The following TDRD10 variants were observed in gnomAD, a reference collection of about 807,000 sequenced individuals.
TDRD10 encodes tudor domain containing 10, also known as tudor domain-containing protein 10.
In TDRD10, 40 loss-of-function variants were observed where a neutral mutation model predicts 48.0. That is an observed-to-expected ratio of 0.83 (90% CI 0.65 to 1.09). The LOEUF is 1.09. TDRD10 is among the 50% of genes least tolerant of loss of function. The pLI is 0.00. For missense variants in TDRD10, 378 were observed against 434.7 expected (o/e 0.87, Z 1.16); for synonymous variants, 162 against 170.4 (o/e 0.95, Z 0.38).
chr1:154,523,627 C>T (rs1467266619), intron 6 of TDRD10, among the ~76,000 whole-genome samples: 1 of 152,206 alleles, frequency 6.6e-6, no homozygotes, highest in Non-Finnish European at 1.5e-5. Flanking sequence ...TCAATATTCT[C>T]TTTGTTCTCT....
chr1:154,533,347 T>G (rs901974931), intron 6 of TDRD10, among the ~76,000 whole-genome samples: 3 of 143,366 alleles, frequency 2.1e-5, no homozygotes, highest in Non-Finnish European at 3.1e-5. Flanking sequence ...AGCAGGCTTT[T>G]GTTGGGTTTT....
intron 6 of TDRD10, among the ~76,000 whole-genome samples, chr1:154,532,373 C>T (rs60760897): frequency 0.19 from 29,588 of 152,096 alleles, 3,107 homozygotes; most frequent in South Asian, 0.23. Context: ...GCTCTGAGTG[C>T]GGCCCGCAAA....
At chr1:154,532,883 T>C (rs536544103) in intron 6 of TDRD10, among the ~76,000 whole-genome samples, 1 of 152,210 alleles carries the variant, frequency 6.6e-6, no homozygotes, top group African/African-American at 2.4e-5. Context: ...TTACTGCCAG[T>C]TCTAGTTTGT....
chr1:154,527,171 A>C (rs983565193), intron 6 of TDRD10, among the ~76,000 whole-genome samples: 3 of 152,246 alleles, frequency 2.0e-5, no homozygotes. Context: ...TCTGCCTCCC[A>C]AAGTGCTGGG....
At chr1:154,527,568 G>A (rs1327139392) in intron 6 of TDRD10, among the ~76,000 whole-genome samples, 1 of 152,188 alleles carries the variant, frequency 6.6e-6, no homozygotes, top group Non-Finnish European at 1.5e-5. Flanking sequence ...CGATCTCAGT[G>A]AGGATGATCT....
intron 4 of TDRD10, 60 bp downstream of exon 4, chr1:154,508,541 C>T (rs373939619): frequency 4.2e-5 from 46 of 1,106,034 alleles, no homozygotes; most frequent in Middle Eastern, 2.0e-4. Context: ...GACTTAGTAA[C>T]CTGCTAGTAA....
At chr1:154,507,214 T>C (rs1281039912) in intron 2 of TDRD10, 27 bp from the exon 3 acceptor site, 2 of 1,613,534 alleles carry the variant, frequency 1.2e-6, no homozygotes, top group East Asian at 2.2e-5. Context: ...GCTTGGGAGG[T>C]TCGATGCTGA....
At chr1:154,518,651 T>G (rs1693895462) in intron 4 of TDRD10, among the ~76,000 whole-genome samples, 1 of 152,088 alleles carries the variant, frequency 6.6e-6, no homozygotes. Context: ...GGATGGTCTC[T>G]ATCTCCTGAC....
intron 6 of TDRD10, among the ~76,000 whole-genome samples, chr1:154,534,190 T>G (rs1319666561): frequency 6.6e-6 from 1 of 152,202 alleles, no homozygotes; most frequent in Non-Finnish European, 1.5e-5. Context: ...AGTGGACTCA[T>G]GACAGACAGT....
chr1:154,528,820 A>G (rs1461107403), intron 6 of TDRD10, among the ~76,000 whole-genome samples: 1 of 152,252 alleles, frequency 6.6e-6, no homozygotes, highest in Non-Finnish European at 1.5e-5. Flanking sequence ...TGTCTCAAAA[A>G]AAAAGTAATA....
intron 1 of TDRD10, among the ~76,000 whole-genome samples, chr1:154,505,958 T>G (rs1693127043): frequency 6.6e-6 from 1 of 152,174 alleles, no homozygotes; most frequent in Non-Finnish European, 1.5e-5. Context: ...TTTCCCAGGG[T>G]CTCTGGGCTG....
At position 154,531,005 on chromosome 1, in the gene TDRD10, A is replaced by AT. The variant is rs1352919938; in HGVS notation, c.369+9533dup. 4.0e-5 allele frequency among the ~76,000 whole-genome samples: 6 copies of AT among 150,954 alleles called. No individual in the cohort carries two copies. The East Asian group carries it at 7.8e-4, about 20-fold the overall frequency. On this transcript the variant is annotated intron_variant, in intron 6 of 12. Coordinates refer to ENST00000368482, the MANE Select transcript of TDRD10 (RefSeq NM_182499.4). ...AGGGACCTGCCACCACGCCCAACTA[A>AT]TTTTTTTGTATTTTTAGTAGAGATG...
chr1:154,532,556 G>A (rs142551576), intron 6 of TDRD10, among the ~76,000 whole-genome samples: 3,227 of 152,316 alleles, frequency 0.021, 124 homozygotes, highest in African/African-American at 0.075. Flanking sequence ...CTCCTCAAGC[G>A]CGGCCAGAAT....
intron 11 of TDRD10, among the ~76,000 whole-genome samples, chr1:154,546,475 TA>T (rs1016866501): frequency 6.8e-6 from 1 of 147,142 alleles, no homozygotes; most frequent in African/African-American, 2.5e-5. Flanking sequence ...ACATATATAA[TA>T]TATAATACGT....
intron 11 of TDRD10, among the ~76,000 whole-genome samples, 198 bp from the exon 12 acceptor site, chr1:154,547,210 CT>C (rs890610392): frequency 9.8e-5 from 15 of 152,286 alleles, no homozygotes; most frequent in African/African-American, 3.4e-4. Flanking sequence ...TGCCCTCCCC[CT>C]ATGCTACCTT....
chr1:154,512,618 A>AC (rs1693545472), intron 4 of TDRD10, among the ~76,000 whole-genome samples: 1 of 152,198 alleles, frequency 6.6e-6, no homozygotes, highest in African/African-American at 2.4e-5. Context: ...TGCGGGGATT[A>AC]CAGGCGAGAG....
chr1:154,527,167 T>C (rs1296469544), intron 6 of TDRD10, among the ~76,000 whole-genome samples: 1 of 152,132 alleles, frequency 6.6e-6, no homozygotes, highest in Non-Finnish European at 1.5e-5. Flanking sequence ...TGCCTCTGCC[T>C]CCCAAAGTGC....
intron 10 of TDRD10, 86 bp downstream of exon 10, chr1:154,544,603 G>A (rs555230754): frequency 3.3e-6 from 5 of 1,520,288 alleles, no homozygotes; most frequent in East Asian, 2.3e-5. Flanking sequence ...TTGGGCTCTG[G>A]TTTTTTTTCC....
chr1:154,544,445 G>A lies in TDRD10; in HGVS notation c.725G>A (p.Gly242Asp), dbSNP rs1328749322. The A allele has an allele frequency of 1.6e-5, 26 of 1,611,900 alleles. No homozygotes were observed. Among genetic ancestry groups the A allele is most frequent in the Non-Finnish European group, 1.9e-5 (22 of 1,179,462 alleles). Residue 242 changes from glycine to aspartate, a missense_variant, in exon 10 of 13, where the codon GGC becomes GAC. Gly to Asp is a moderately conservative substitution (Grantham distance 94). This residue lies in a region of TDRD10 where 310 missense variants were observed against 323.6 expected (regional missense o/e 0.96). Transcript: ENST00000368482. ...QAEEQQPYLE[G>D]STVMRGTRCL... ...GAGGAGCAGCAGCCCTACCTGGAGG[G>A]CTCCACCGTTATGCGCGGGACTCGC...
Sources: gnomAD v4.1 joint callset for allele counts (sites outside exome capture counted in the v4.1 genomes callset) on GRCh38, gnomAD v4.1.1 for gene constraint, gnomAD v4.1.1 regional missense constraint, MANE v1.5 for transcripts, NCBI Gene and HGNC (gene_info 2026-07-23, HGNC 2026-07-21) for gene names.